Variants in OTOG observed in about 807,000 individuals in gnomAD.
OTOG encodes the protein otogelin.
OTOG carries 296 observed loss-of-function variants against 313.8 expected under a neutral mutation model. That is an observed-to-expected ratio of 0.94 (90% CI 0.86 to 1.04). The LOEUF is 1.04. Ranked by LOEUF, OTOG falls within the 50% of genes least tolerant of loss-of-function variation. The pLI, the probability that OTOG is intolerant of heterozygous loss-of-function variation, is 0.00. For synonymous variants in OTOG, 1,533 were observed against 1,554.9 expected (o/e 0.99, Z 0.33); for missense variants, 3,948 against 3,840.1 (o/e 1.03, Z -0.74).
chr11:17,631,512 C>A (rs1854125533), intron 40 of OTOG, among the ~76,000 whole-genome samples, 190 bp from the exon 41 acceptor site: 1 of 152,020 alleles, frequency 6.6e-6, no homozygotes, highest in African/African-American at 2.4e-5. Flanking sequence ...ATGTGTATTT[C>A]CTAAGTACAA....
chr11:17,602,958 A>G (rs564172514), intron 32 of OTOG, among the ~76,000 whole-genome samples: 2 of 152,328 alleles, frequency 1.3e-5, no homozygotes, highest in South Asian at 4.1e-4. Flanking sequence ...GCCTTGTTAA[A>G]ATAGAGGATG....
At position 17,632,120 on chromosome 11, in the gene OTOG, C is replaced by T; in HGVS notation, c.6966C>T (p.Ile2322=). 1.3e-6 allele frequency: 2 copies of T among 1,551,026 alleles called. No homozygotes were observed. The highest frequency in any genetic ancestry group is 1.7e-6 in the Non-Finnish European group (2 of 1,147,002). The change falls in exon 42 of 56, where the codon ATC becomes ATT. Residue 2322 remains isoleucine, a synonymous_variant. Transcript: ENST00000399397. ...CGGAGTCATTCTGTGAGCTGTGGATCCGGGACACCAAGTACGTGCAGCAGC... is the reference window on the plus strand; with the variant it reads ...CGGAGTCATTCTGTGAGCTGTGGATTCGGGACACCAAGTACGTGCAGCAGC... ...VPPESFCELW[I]RDTKYVQQPC...
Position 17,559,646 on chromosome 11 carries a change from C to T in OTOG, c.1326C>T (p.Gly442=). The change falls in exon 12 of 56, where the codon GGC becomes GGT. Residue 442 remains glycine, a synonymous_variant. Coordinates refer to ENST00000399397, the MANE Select transcript of OTOG (RefSeq NM_001292063.2). ...CVDSEIACVD[G]CYCPNGLIFE... ...ACAGTGAGATCGCCTGTGTGGACGG[C>T]TGCTATTGCCCCAATGGTATGCTAG... 1 of 1,550,792 alleles carries T rather than the reference C, an allele frequency of 6.4e-7. No individual in the cohort carries two copies. The highest frequency in any genetic ancestry group is 8.7e-7 in the Non-Finnish European group (1 of 1,147,054).
chr11:17,627,926 C>T (rs964463633), intron 39 of OTOG, among the ~76,000 whole-genome samples: 4 of 151,982 alleles, frequency 2.6e-5, no homozygotes, highest in African/African-American at 4.8e-5. Context: ...GTTGTGATGC[C>T]TCTTTTTTCA....
chr11:17,552,380 T>C (rs7951242), intron 4 of OTOG, among the ~76,000 whole-genome samples: 113,249 of 152,128 alleles, frequency 0.74, 43,385 homozygotes, highest in African/African-American at 0.93. Context: ...CCATCCCACC[T>C]GGTTCTGTGG....
intron 23 of OTOG, among the ~76,000 whole-genome samples, chr11:17,581,840 C>T (rs921159829): frequency 3.3e-5 from 5 of 152,160 alleles, no homozygotes; most frequent in Non-Finnish European, 5.9e-5. Context: ...CCTTTCCAGC[C>T]GGTTCCGCCC....
chr11:17,607,331 G>A (rs1853414288), intron 33 of OTOG, among the ~76,000 whole-genome samples: 1 of 152,238 alleles, frequency 6.6e-6, no homozygotes, highest in Non-Finnish European at 1.5e-5. Context: ...TGTTCAGGCT[G>A]TGTGTTCAGA....
chr11:17,573,344 G>C, intron 19 of OTOG, 54 bp downstream of exon 19: 1 of 1,464,538 alleles, frequency 6.8e-7, no homozygotes, highest in South Asian at 1.3e-5. Context: ...CTCCAGACCT[G>C]AGTGTCCCCT....
intron 39 of OTOG, among the ~76,000 whole-genome samples, chr11:17,627,858 A>G (rs993846290): frequency 6.6e-6 from 1 of 152,110 alleles, no homozygotes; most frequent in Non-Finnish European, 1.5e-5. Context: ...TTTCTCTTCT[A>G]CTGGCATATA....
chr11:17,594,224 C>T lies in OTOG; in HGVS notation c.3408+58C>T, dbSNP rs117106806. On this transcript the variant is annotated intron_variant, in intron 28 of 55. Transcript: ENST00000399397. Reference sequence around the variant, plus strand: ...CTCACTCAGATGGGCGCTGCCAGCACTGAACCCGGCCCAAGGTCAGGGAAG... The same window carrying T: ...CTCACTCAGATGGGCGCTGCCAGCATTGAACCCGGCCCAAGGTCAGGGAAG... 6,670 of 1,546,876 alleles carry T rather than the reference C, an allele frequency of 4.3e-3. 268 individuals carry two copies. The East Asian group carries it at 0.1, about 23-fold the overall frequency.
chr11:17,639,214 T>C (rs1847916851), intron 48 of OTOG, among the ~76,000 whole-genome samples: 1 of 152,188 alleles, frequency 6.6e-6, no homozygotes, highest in African/African-American at 2.4e-5. Context: ...ACTGCCCACC[T>C]ACCTAATCAG....
At chr11:17,611,488 C>T in intron 36 of OTOG, 65 bp downstream of exon 36, 1 of 1,402,436 alleles carries the variant, frequency 7.1e-7, no homozygotes, top group Non-Finnish European at 9.5e-7. Context: ...TTCCTCTTCC[C>T]TGCTAGATGG....
At chr11:17,555,320 G>C (rs1341499920) in intron 6 of OTOG, among the ~76,000 whole-genome samples, 1 of 152,092 alleles carries the variant, frequency 6.6e-6, no homozygotes, top group Admixed American at 6.6e-5. Context: ...GGGAAGGGGA[G>C]TGTGTGTATA....
chr11:17,552,521 T>TACTGTGTCCCCCACCTG (rs1851957988), intron 4 of OTOG, among the ~76,000 whole-genome samples: 1 of 30,416 alleles, frequency 3.3e-5, no homozygotes, highest in African/African-American at 4.7e-4. Flanking sequence ...CCTGTGTCTG[T>TACTGTGTCCCCCACCTG]TCCTACCTCC....
In OTOG at chr11:17,633,860, C is replaced by T. The variant is rs1039204787; in HGVS notation, c.7253C>T (p.Pro2418Leu). The T allele has an allele frequency of 6.4e-5, 98 of 1,540,292 alleles. No homozygotes were observed. Among genetic ancestry groups the T allele is most frequent in the Admixed American group, 1.0e-4 (5 of 49,958 alleles). ...LHRRHSALCI[P>L]EAKCACTDSM... is the part of the protein sequence containing the mutation. ...CGGCGCCACTCTGCACTCTGCATCC[C>T]GGAGGCCAAGTGCGGTAGGTTCCTC... The change falls in exon 43 of 56, where the codon CCG (proline) becomes CTG (leucine). Residue 2418 changes from proline to leucine, a missense_variant. Pro to Leu is a moderately conservative substitution (Grantham distance 98). Transcript: ENST00000399397.
chr11:17,591,658 T>A lies in OTOG; in HGVS notation c.3006+70T>A, dbSNP rs1852940301. ...GTCAGGGCACTCTGGTGCTCTGGACTCCAGTTTGATGCAGAATTGGGTGAT... is the reference window on the plus strand; with the variant it reads ...GTCAGGGCACTCTGGTGCTCTGGACACCAGTTTGATGCAGAATTGGGTGAT... On this transcript the variant is annotated intron_variant, in intron 25 of 55. Transcript: ENST00000399397. The A allele has an allele frequency of 2.0e-6, 3 of 1,518,094 alleles. No homozygotes were observed. In the Admixed American group the frequency reaches 6.0e-5, roughly 30 times the overall value. The allele number at this position is 1,518,094 out of a possible 1,614,324, so 94.0% of individuals were successfully genotyped here.
intron 23 of OTOG, among the ~76,000 whole-genome samples, chr11:17,584,729 T>A (rs909718343): frequency 6.6e-6 from 1 of 152,224 alleles, no homozygotes; most frequent in African/African-American, 2.4e-5. Flanking sequence ...GTTTGCCATG[T>A]TGGCCAGGAT....
intron 48 of OTOG, 134 bp from the exon 49 acceptor site, chr11:17,639,289 T>C (rs900124969): frequency 6.9e-5 from 62 of 899,524 alleles, no homozygotes; most frequent in Non-Finnish European, 9.6e-5. Flanking sequence ...CCTCTTCCTC[T>C]CCTCTCCCAG....
chr11:17,596,820 C>T (rs773182327), intron 29 of OTOG, 31 bp from the exon 30 acceptor site: 1 of 1,540,500 alleles, frequency 6.5e-7, no homozygotes, highest in African/African-American at 1.4e-5. Context: ...TGGGATCTGT[C>T]CTCTGACCTC....
Sources: gnomAD v4.1 joint callset for allele counts (sites outside exome capture counted in the v4.1 genomes callset) on GRCh38, gnomAD v4.1.1 for gene constraint, MANE v1.5 for transcripts, NCBI Gene and HGNC (gene_info 2026-07-23, HGNC 2026-07-21) for gene names.